Variants in AUTS2 observed in about 807,000 individuals in gnomAD.
The protein encoded by AUTS2 is activator of transcription and developmental regulator AUTS2, also known as autism susceptibility gene 2 protein.
Under a neutral mutation model 112.4 loss-of-function variants are expected in AUTS2, and 17 were observed. The ratio of observed to expected loss-of-function variants is 0.15; its 90% CI spans 0.10 to 0.23. The LOEUF is 0.23. Among genes scored for constraint, AUTS2 ranks in the 10% least tolerant of loss-of-function variants. AUTS2 has a pLI of 1.00. For missense variants in AUTS2, 1,510 were observed against 1,701.6 expected, an observed-to-expected ratio of 0.89 and a Z score of 1.98; for synonymous variants, 751 against 702.7, an observed-to-expected ratio of 1.07 and a Z score of -1.09.
At chr7:69,790,923 G>T (rs150775208) in intron 1 of AUTS2, among the ~76,000 whole-genome samples, 6 of 152,150 alleles carry the variant, frequency 3.9e-5, no homozygotes, top group Non-Finnish European at 7.3e-5. Flanking sequence ...GGTTCTATCC[G>T]CACTTAACTG....
chr7:70,521,970 G>T (rs1359684435), intron 5 of AUTS2, among the ~76,000 whole-genome samples: 1 of 152,138 alleles, frequency 6.6e-6, no homozygotes, highest in African/African-American at 2.4e-5. Context: ...TAACATATCA[G>T]ATGTTCTTAT....
chr7:70,182,531 A>ATTT (rs1178228953), intron 4 of AUTS2, among the ~76,000 whole-genome samples: 8 of 152,248 alleles, frequency 5.3e-5, no homozygotes, highest in African/African-American at 1.9e-4. Context: ...ATAATAATTT[A>ATTT]TAATCAAATC....
intron 1 of AUTS2, among the ~76,000 whole-genome samples, chr7:69,739,390 T>C (rs1373477280): frequency 1.3e-5 from 2 of 152,164 alleles, no homozygotes; most frequent in Non-Finnish European, 2.9e-5. Flanking sequence ...TCTGAGTCAT[T>C]CCGCACCTGC....
In AUTS2 at chr7:70,234,883, G is replaced by A. The variant is rs146017621; in HGVS notation, c.660+100312G>A. ...AGGCAGAGGCTGGAAGCTGCTCACC[G>A]TCCTATGGCAGGGCAGGTAATGTCC... On this transcript the variant is annotated intron_variant, in intron 4 of 18. Transcript: ENST00000342771. Among the ~76,000 whole-genome samples, 272 of 152,240 alleles carry A rather than the reference G, an allele frequency of 1.8e-3. 1 individual carries two copies. Among genetic ancestry groups the A allele is most frequent in the African/African-American group, 5.8e-3 (240 of 41,538 alleles).
chr7:70,512,523 C>T (rs1799238250), intron 5 of AUTS2, among the ~76,000 whole-genome samples: 1 of 152,090 alleles, frequency 6.6e-6, no homozygotes, highest in South Asian at 2.1e-4. Flanking sequence ...GCTGTGGAAC[C>T]GTTTTTCCCT....
intron 2 of AUTS2, among the ~76,000 whole-genome samples, chr7:69,909,357 G>A (rs1278340685): frequency 1.3e-5 from 2 of 152,132 alleles, no homozygotes. Flanking sequence ...TAGGCCCACT[G>A]GCTCACTCAA....
intron 1 of AUTS2, among the ~76,000 whole-genome samples, chr7:69,733,253 G>T (rs1786878495): frequency 6.6e-6 from 1 of 152,166 alleles, no homozygotes. Context: ...TGTTTAGTCA[G>T]TGGGGGGCAA....
intron 2 of AUTS2, among the ~76,000 whole-genome samples, chr7:69,925,708 T>C (rs905157981): frequency 1.1e-4 from 16 of 152,346 alleles, no homozygotes; most frequent in African/African-American, 3.8e-4. Flanking sequence ...TTTGTAGAGA[T>C]AGTGTCTTAC....
At chr7:70,340,144 G>A (rs1040782443) in intron 4 of AUTS2, among the ~76,000 whole-genome samples, 1 of 138,786 alleles carries the variant, frequency 7.2e-6, no homozygotes, top group African/African-American at 2.9e-5. Flanking sequence ...CTTGCCATCT[G>A]TGTCCATGTA....
At position 70,138,436 on chromosome 7, in the gene AUTS2, C is replaced by A. The variant is rs907275752; in HGVS notation, c.660+3865C>A. Among the ~76,000 whole-genome samples the A allele has an allele frequency of 2.0e-5, 3 of 152,194 alleles. No individual in the cohort carries two copies. In the East Asian group the frequency reaches 5.8e-4, roughly 29 times the overall value. On this transcript the variant is annotated intron_variant, in intron 4 of 18. Coordinates refer to ENST00000342771, the MANE Select transcript of AUTS2 (RefSeq NM_015570.4). ...CTAACCAGCCAGGCAGAACTTGATT[C>A]CTGCTGTAAGGGAAGTACAGCCTTA...
At chr7:70,618,352 T>C (rs1199487820) in intron 5 of AUTS2, among the ~76,000 whole-genome samples, 1 of 152,208 alleles carries the variant, frequency 6.6e-6, no homozygotes, top group Non-Finnish European at 1.5e-5. Context: ...CTGGTCACCC[T>C]GTGGGAAAGC....
At position 69,717,587 on chromosome 7, in the gene AUTS2, A is replaced by G. The variant is rs115004506; in HGVS notation, c.309+117625A>G. ...GACCAGAATGAAGGGTGCAGAATGA[A>G]AGGAAAAAAAATTTTTTTTGAAGTA... On this transcript the variant is annotated intron_variant, in intron 1 of 18. Transcript: ENST00000342771. Among the ~76,000 whole-genome samples, 1,000 of 152,320 alleles carry G rather than the reference A, an allele frequency of 6.6e-3. 12 individuals are homozygous for G. Among genetic ancestry groups the G allele is most frequent in the African/African-American group, 0.023 (946 of 41,558 alleles).
intron 2 of AUTS2, among the ~76,000 whole-genome samples, chr7:70,103,470 C>T (rs1174548215): frequency 1.3e-5 from 2 of 152,100 alleles, no homozygotes; most frequent in African/African-American, 4.8e-5. Context: ...CTCAGCTTAC[C>T]ACCCAATCCC....
intron 5 of AUTS2, among the ~76,000 whole-genome samples, chr7:70,619,728 G>A (rs910088111): frequency 6.6e-6 from 1 of 152,116 alleles, no homozygotes; most frequent in Non-Finnish European, 1.5e-5. Context: ...TGCCTGTTTG[G>A]AGGAAGGATC....
chr7:70,720,741 G>T (rs1314075951), intron 6 of AUTS2, among the ~76,000 whole-genome samples: 1 of 152,042 alleles, frequency 6.6e-6, no homozygotes, highest in Admixed American at 6.5e-5. Context: ...CTTTTAAAGT[G>T]GTTCCAAACT....
intron 6 of AUTS2, among the ~76,000 whole-genome samples, chr7:70,732,690 C>A (rs929011297): frequency 1.3e-5 from 2 of 152,192 alleles, no homozygotes; most frequent in East Asian, 3.8e-4. Flanking sequence ...TTCCCTTTAA[C>A]AATTTGTCAT....
intron 1 of AUTS2, among the ~76,000 whole-genome samples, chr7:69,795,114 T>C (rs558629650): frequency 6.6e-6 from 1 of 152,330 alleles, no homozygotes; most frequent in African/African-American, 2.4e-5. Flanking sequence ...TGTAAAGTGC[T>C]TAGAAAATGC....
At chr7:69,795,795 A>G (rs969652825) in intron 1 of AUTS2, among the ~76,000 whole-genome samples, 7 of 152,200 alleles carry the variant, frequency 4.6e-5, no homozygotes, top group African/African-American at 1.7e-4. Flanking sequence ...CTTGTTATGT[A>G]TGTACCATTG....
intron 6 of AUTS2, chr7:70,729,343 C>G: frequency 3.3e-6 from 1 of 299,640 alleles, no homozygotes; most frequent in South Asian, 2.7e-5. Context: ...AATAGCCTGG[C>G]CTGTACCAGA....
Sources: gnomAD v4.1 joint callset for allele counts (sites outside exome capture counted in the v4.1 genomes callset) on GRCh38, gnomAD v4.1.1 for gene constraint, MANE v1.5 for transcripts, NCBI Gene and HGNC (gene_info 2026-07-23, HGNC 2026-07-21) for gene names.